Variants in SMAD3 observed in about 807,000 individuals in gnomAD.
The protein encoded by SMAD3 is MAD homolog 3.
SMAD3 carries 12 observed loss-of-function variants against 51.8 expected under a neutral mutation model. That is an observed-to-expected ratio of 0.23 (90% confidence interval 0.15 to 0.38). SMAD3 has a LOEUF of 0.38. Ranked by LOEUF, SMAD3 falls within the 10% of genes least tolerant of loss-of-function variation. The pLI, the probability that SMAD3 is intolerant of heterozygous loss-of-function variation, is 1.00. For missense variants in SMAD3, 294 were observed against 565.6 expected (o/e 0.52, Z 4.87); for synonymous variants, 238 against 227.7 (o/e 1.05, Z -0.41).
intron 1 of SMAD3, among the ~76,000 whole-genome samples, chr15:67,145,344 G>T (rs927121492): frequency 6.6e-6 from 1 of 152,198 alleles, no homozygotes; most frequent in African/African-American, 2.4e-5. Context: ...ACGAAGGGGG[G>T]AGTTTGAAGA....
intron 1 of SMAD3, among the ~76,000 whole-genome samples, chr15:67,150,707 G>A (rs750630317): frequency 3.0e-4 from 44 of 147,568 alleles, no homozygotes; most frequent in Middle Eastern, 3.5e-3. Flanking sequence ...AGAATTGTTT[G>A]TTTTGTGAAG....
intron 1 of SMAD3, among the ~76,000 whole-genome samples, chr15:67,087,802 A>G (rs1960426300): frequency 6.6e-6 from 1 of 152,158 alleles, no homozygotes; most frequent in African/African-American, 2.4e-5. Context: ...TTAAAAAAAG[A>G]CTTATATTTT....
Position 67,066,375 on chromosome 15 carries a change from G to A in SMAD3, c.206+15G>A. ...ACCATCCCCAGGTGGGGGCCCGCCC[G>A]GGGGGGACCCGGGGTCACGCCGGCC... On this transcript the variant is annotated intron_variant, in intron 1 of 8. Transcript: ENST00000327367. The A allele has an allele frequency of 6.2e-7, 1 of 1,601,554 alleles. No individual in the cohort carries two copies. The highest frequency in any genetic ancestry group is 1.3e-5 in the African/African-American group (1 of 74,648).
chr15:67,178,328 T>C (rs949333324), intron 5 of SMAD3, among the ~76,000 whole-genome samples: 2 of 152,228 alleles, frequency 1.3e-5, no homozygotes, highest in Non-Finnish European at 2.9e-5. Context: ...AGCCTAGCTC[T>C]TTCTCTTCTG....
chr15:67,098,823 C>T lies in SMAD3; in HGVS notation c.206+32463C>T, dbSNP rs545700331. The T allele has an allele frequency of 3.1e-4, 218 of 696,732 alleles. 1 individual carries two copies. The highest frequency in any genetic ancestry group is 3.1e-3 in the South Asian group (207 of 66,958). The allele number at this position is 696,732 out of a possible 1,614,324, so 43.2% of individuals were successfully genotyped here. On this transcript the variant is annotated intron_variant, in intron 1 of 8. Transcript: ENST00000327367. ...CGCATCCCCAGCGGGGGTCTGAGGG[C>T]CCACTGTTGCTCAGCTGGGGGATTT...
intron 1 of SMAD3, among the ~76,000 whole-genome samples, chr15:67,131,959 C>G (rs1390668531): frequency 6.6e-6 from 1 of 152,164 alleles, no homozygotes; most frequent in Non-Finnish European, 1.5e-5. Context: ...GTCTGTTCCT[C>G]CAATCTCCCC....
In SMAD3 at chr15:67,066,092, G is replaced by C. The variant is rs1484047846; in HGVS notation, c.-63G>C. ...CGGCCGAGCTCCCCTCTGCGCCCCCGGCGTCCCGTCGAGCCCAGCCCCGCC... is the reference window on the plus strand; with the variant it reads ...CGGCCGAGCTCCCCTCTGCGCCCCCCGCGTCCCGTCGAGCCCAGCCCCGCC... On this transcript the variant is annotated 5_prime_UTR_variant, in exon 1 of 9. Coordinates refer to ENST00000327367, the MANE Select transcript of SMAD3 (RefSeq NM_005902.4). The C allele has an allele frequency of 7.5e-7, 1 of 1,325,898 alleles. No homozygotes were observed. Among genetic ancestry groups the C allele is most frequent in the Non-Finnish European group, 1.0e-6 (1 of 960,592 alleles). The allele number at this position is 1,325,898 out of a possible 1,614,324, so 82.1% of individuals were successfully genotyped here.
intron 1 of SMAD3, among the ~76,000 whole-genome samples, chr15:67,075,856 C>T (rs541633175): frequency 6.6e-5 from 10 of 150,912 alleles, no homozygotes; most frequent in African/African-American, 1.5e-4. Context: ...CAGAGCTTGC[C>T]GTGAGCCAAG....
intron 1 of SMAD3, among the ~76,000 whole-genome samples, chr15:67,080,497 C>T (rs923549110): frequency 2.0e-5 from 3 of 152,072 alleles, no homozygotes; most frequent in Non-Finnish European, 4.4e-5. Flanking sequence ...CTTTGAAGTC[C>T]GGGAGATGCC....
chr15:67,189,176 G>A (rs28503201), intron 8 of SMAD3, among the ~76,000 whole-genome samples: 7,565 of 152,224 alleles, frequency 0.05, 274 homozygotes, highest in Non-Finnish European at 0.07. Context: ...ATTTAAAGAT[G>A]GACTGCAGTG....
At chr15:67,138,224 T>C (rs1347268690) in intron 1 of SMAD3, 1 of 744,596 alleles carries the variant, frequency 1.3e-6, no homozygotes, top group Admixed American at 2.2e-5. Context: ...TGGGTGGGGA[T>C]GTGGACTCTT....
intron 1 of SMAD3, among the ~76,000 whole-genome samples, chr15:67,130,973 G>A (rs1267870019): frequency 1.3e-5 from 2 of 152,150 alleles, no homozygotes; most frequent in Non-Finnish European, 2.9e-5. Context: ...TGCCACGCTG[G>A]GAATGCTAAG....
rs949888952 is a variant in SMAD3 at position 67,193,345 on chromosome 15, A to C, written c.*2809A>C. ...CATCTTCACCTTGCAGCTTGTGCTGAGACTGACCCAAGTGCAGCTAGCACT... is the reference window on the plus strand; with the variant it reads ...CATCTTCACCTTGCAGCTTGTGCTGCGACTGACCCAAGTGCAGCTAGCACT... On this transcript the variant is annotated 3_prime_UTR_variant, in exon 9 of 9. Coordinates refer to ENST00000327367, the MANE Select transcript of SMAD3 (RefSeq NM_005902.4). 4.3e-6 allele frequency: 1 copy of C among 233,354 alleles called. No homozygotes were observed. Among genetic ancestry groups the C allele is most frequent in the African/African-American group, 2.2e-5 (1 of 45,340 alleles). 14.5% of individuals were successfully genotyped at this position (233,354 alleles called of 1,614,324 possible). A position where few individuals can be genotyped will look rare whatever the true frequency, so the allele number is the denominator to read the frequency against.
rs556655485 is a variant in SMAD3 at position 67,192,745 on chromosome 15, CTT to C, written c.*2210_*2211del. The C allele has an allele frequency of 2.1e-5, 5 of 232,918 alleles. No homozygotes were observed. The South Asian group carries it at 9.1e-4, about 42-fold the overall frequency. 14.4% of individuals were successfully genotyped at this position (232,918 alleles called of 1,614,324 possible). A position where few individuals can be genotyped will look rare whatever the true frequency, so the allele number is the denominator to read the frequency against. Reference sequence around the variant, plus strand: ...ATCCAGTGATCTATGGAAGTCGTGTCTTACTCCAGGTGAAGGGGGAAAAAAAA... The same window carrying C: ...ATCCAGTGATCTATGGAAGTCGTGTCACTCCAGGTGAAGGGGGAAAAAAAA... On this transcript the variant is annotated 3_prime_UTR_variant, in exon 9 of 9. Coordinates refer to ENST00000327367, the MANE Select transcript of SMAD3 (RefSeq NM_005902.4).
chr15:67,074,111 T>G (rs903857294), intron 1 of SMAD3, among the ~76,000 whole-genome samples: 1 of 152,270 alleles, frequency 6.6e-6, no homozygotes, highest in Non-Finnish European at 1.5e-5. Flanking sequence ...AATAAAATTG[T>G]AATTCAGCCT....
chr15:67,095,909 C>T (rs1386179063), intron 1 of SMAD3, among the ~76,000 whole-genome samples: 4 of 151,768 alleles, frequency 2.6e-5, no homozygotes, highest in African/African-American at 9.8e-5. Context: ...ATGTGGGCAG[C>T]ATGTGCCCAT....
In SMAD3 at chr15:67,190,990, C is replaced by CT. The variant is rs1963348090; in HGVS notation, c.*455dup. 1 of 246,028 alleles carries CT rather than the reference C, an allele frequency of 4.1e-6. No individual in the cohort carries two copies. Among genetic ancestry groups the CT allele is most frequent in the African/African-American group, 2.2e-5 (1 of 45,858 alleles). 15.2% of individuals were successfully genotyped at this position (246,028 alleles called of 1,614,324 possible). ...CCATGCAGACCTCATGCCCAGCTCT[C>CT]TGACGCTTGTGACAGTGCCTCTTCC... On this transcript the variant is annotated 3_prime_UTR_variant, in exon 9 of 9. Coordinates refer to ENST00000327367, the MANE Select transcript of SMAD3 (RefSeq NM_005902.4).
At chr15:67,123,298 C>A (rs1332722669) in intron 1 of SMAD3, among the ~76,000 whole-genome samples, 1 of 151,688 alleles carries the variant, frequency 6.6e-6, no homozygotes, top group Non-Finnish European at 1.5e-5. Flanking sequence ...GAGTTTGAGA[C>A]CAGCCTAGCT....
intron 1 of SMAD3, among the ~76,000 whole-genome samples, chr15:67,123,100 C>T (rs918725230): frequency 6.8e-6 from 1 of 146,050 alleles, no homozygotes; most frequent in African/African-American, 2.6e-5. Flanking sequence ...CGGGAGGCTG[C>T]AGTGTAAGGT....
Sources: gnomAD v4.1 joint callset for allele counts (sites outside exome capture counted in the v4.1 genomes callset) on GRCh38, gnomAD v4.1.1 for gene constraint, MANE v1.5 for transcripts, NCBI Gene and HGNC (gene_info 2026-07-23, HGNC 2026-07-21) for gene names.